CTDP1: variants seen among roughly 807,000 people sequenced by gnomAD.
The protein encoded by CTDP1 is RNA polymerase II subunit A C-terminal domain phosphatase.
A neutral mutation model predicts 91.8 loss-of-function variants in CTDP1; 47 were observed. The ratio of observed to expected loss-of-function variants is 0.51; its 90% CI spans 0.41 to 0.65. CTDP1 has a LOEUF of 0.65. CTDP1 is among the 30% of genes least tolerant of loss of function. The pLI, the probability that CTDP1 is intolerant of heterozygous loss-of-function variation, is 0.00. For missense variants in CTDP1, 1,272 were observed against 1,373.7 expected (o/e 0.93, Z 1.17); for synonymous variants, 656 against 598.5 (o/e 1.10, Z -1.40).
intron 10 of CTDP1, among the ~76,000 whole-genome samples, chr18:79,725,641 A>C (rs2086430666): frequency 1.3e-5 from 2 of 151,700 alleles, no homozygotes; most frequent in Admixed American, 6.6e-5. Flanking sequence ...ACTCGAGCGG[A>C]GTCTCCGGTG....
In CTDP1 at chr18:79,712,953, T is replaced by A; in HGVS notation, c.864-19T>A. 1.9e-6 allele frequency: 3 copies of A among 1,612,742 alleles called. No homozygotes were observed. The highest frequency in any genetic ancestry group is 2.5e-6 in the Non-Finnish European group (3 of 1,178,726). ...CTTTTCATTATTATTTTTTGTAAAT[T>A]ATGCATTTTCACTTGTAGAAATCTC... On this transcript the variant is annotated intron_variant, in intron 6 of 12. Coordinates refer to ENST00000613122, the MANE Select transcript of CTDP1 (RefSeq NM_004715.5).
At chr18:79,714,412 G>A (rs1377455754) in intron 7 of CTDP1, 79 bp from the exon 8 acceptor site, 7 of 1,518,502 alleles carry the variant, frequency 4.6e-6, no homozygotes, top group Non-Finnish European at 6.4e-6. Context: ...CCATGGAGAA[G>A]GGTGCTGCTT....
chr18:79,705,744 A>G (rs2085955587), intron 5 of CTDP1, among the ~76,000 whole-genome samples: 1 of 152,238 alleles, frequency 6.6e-6, no homozygotes, highest in Non-Finnish European at 1.5e-5. Context: ...TAAAATTCAA[A>G]GGTCTTTCTA....
Position 79,715,294 on chromosome 18 carries a change from C to T in CTDP1, c.1834C>T (p.Leu612Phe). Reference sequence around the variant, plus strand: ...CTACTATGCCAAGTATGACCGCTACCTCAACAAGGAGATCGAGGAGGCGCC... The same window carrying T: ...CTACTATGCCAAGTATGACCGCTACTTCAACAAGGAGATCGAGGAGGCGCC... Reference protein sequence around the residue: ...TDYYAKYDRYLNKEIEEAPDI... With the variant: ...TDYYAKYDRYFNKEIEEAPDI... The change falls in exon 8 of 13, where the codon CTC becomes TTC. Residue 612 changes from leucine to phenylalanine, a missense_variant. Physicochemically the swap from Leu to Phe is conservative, Grantham distance 22 (BLOSUM62 0). Around this residue, in one of 3 missense-constraint regions of CTDP1, gnomAD observed 881 missense variants for 911.6 expected, o/e 0.97. Transcript: ENST00000613122. 1 of 1,610,522 alleles carries T rather than the reference C, an allele frequency of 6.2e-7. No homozygotes were observed. The highest frequency in any genetic ancestry group is 8.5e-7 in the Non-Finnish European group (1 of 1,178,400).
At chr18:79,683,616 G>A (rs970804427) in intron 1 of CTDP1, among the ~76,000 whole-genome samples, 21 of 152,248 alleles carry the variant, frequency 1.4e-4, no homozygotes, top group Non-Finnish European at 1.8e-4. Context: ...GTTTCAGGGC[G>A]GCTGCCTGAG....
chr18:79,750,655 G>C (rs2086977978), intron 12 of CTDP1, among the ~76,000 whole-genome samples: 1 of 147,614 alleles, frequency 6.8e-6, no homozygotes, highest in Non-Finnish European at 1.5e-5. Flanking sequence ...CACCACACCT[G>C]GCTAATTTTT....
At chr18:79,695,450 C>A in intron 2 of CTDP1, 142 bp downstream of exon 2, 1 of 744,236 alleles carries the variant, frequency 1.3e-6, no homozygotes, top group South Asian at 1.5e-5. Context: ...GGGCCCCATA[C>A]GAGTCACACT....
intron 10 of CTDP1, among the ~76,000 whole-genome samples, chr18:79,724,055 C>G (rs921921064): frequency 6.6e-6 from 1 of 152,214 alleles, no homozygotes; most frequent in Non-Finnish European, 1.5e-5. Flanking sequence ...CAGGTTGAGC[C>G]TCTCATCCGA....
At chr18:79,711,571 C>T (rs927591023) in intron 6 of CTDP1, among the ~76,000 whole-genome samples, 15 of 152,176 alleles carry the variant, frequency 9.9e-5, no homozygotes, top group African/African-American at 2.9e-4. Flanking sequence ...AGCAGCTCTG[C>T]GGGGCCACTG....
chr18:79,694,625 T>G, intron 1 of CTDP1, among the ~76,000 whole-genome samples: 1 of 138,378 alleles, frequency 7.2e-6, no homozygotes, highest in Non-Finnish European at 1.6e-5. Flanking sequence ...CCGGCTGGGG[T>G]GGGAGTGTGG....
chr18:79,681,381 C>G (rs1434511840), intron 1 of CTDP1: 1 of 876,812 alleles, frequency 1.1e-6, no homozygotes, highest in Non-Finnish European at 1.4e-6. Flanking sequence ...GGGCACTGGC[C>G]GTACCTGGGA....
chr18:79,690,135 C>G (rs991370533), intron 1 of CTDP1, among the ~76,000 whole-genome samples: 16 of 152,174 alleles, frequency 1.1e-4, no homozygotes, highest in African/African-American at 3.9e-4. Context: ...AGGGAAGACC[C>G]TGGAGCCCTC....
At chr18:79,748,567 G>A (rs1014106269) in intron 12 of CTDP1, among the ~76,000 whole-genome samples, 4 of 152,362 alleles carry the variant, frequency 2.6e-5, no homozygotes, top group African/African-American at 7.2e-5. Context: ...GTGAGGTCCA[G>A]GCCCCTGCTG....
intron 12 of CTDP1, among the ~76,000 whole-genome samples, chr18:79,741,860 AAGAT>A (rs1268823265): frequency 6.6e-6 from 1 of 152,248 alleles, no homozygotes; most frequent in Non-Finnish European, 1.5e-5. Flanking sequence ...TTAACTAAGA[AAGAT>A]AATCTTTAGG....
chr18:79,680,244 C>T lies in CTDP1; in HGVS notation c.297C>T (p.Gly99=). ...TGCGGGAGCTGTGCGCGCAGCCGGGCCAGGTGGTCGCCCCAGGGTGAGTGT... is the reference window on the plus strand; with the variant it reads ...TGCGGGAGCTGTGCGCGCAGCCGGGTCAGGTGGTCGCCCCAGGGTGAGTGT... ...GVVRELCAQP[G]QVVAPGAVLV... The change falls in exon 1 of 13, where the codon GGC becomes GGT. Residue 99 remains glycine, a synonymous_variant. Transcript: ENST00000613122. 7.7e-7 allele frequency: 1 copy of T among 1,304,674 alleles called. No individual in the cohort carries two copies. The highest frequency in any genetic ancestry group is 9.7e-7 in the Non-Finnish European group (1 of 1,031,338). The allele number at this position is 1,304,674 out of a possible 1,614,324, so 80.8% of individuals were successfully genotyped here.
At position 79,698,118 on chromosome 18, in the gene CTDP1, C is replaced by T. The variant is rs370055344; in HGVS notation, c.621+130C>T. ...AGCCTGGGTTTGGAAAGCAGACTTGCTAGTTCTGGGCGTGGGCCGTGTGTC... is the reference window on the plus strand; with the variant it reads ...AGCCTGGGTTTGGAAAGCAGACTTGTTAGTTCTGGGCGTGGGCCGTGTGTC... On this transcript the variant is annotated intron_variant, in intron 4 of 12. Transcript: ENST00000613122. 18 of 1,370,158 alleles carry T rather than the reference C, an allele frequency of 1.3e-5. No individual in the cohort carries two copies. The African/African-American group carries it at 2.4e-4, about 19-fold the overall frequency. The allele number at this position is 1,370,158 out of a possible 1,614,324, so 84.9% of individuals were successfully genotyped here.
intron 12 of CTDP1, among the ~76,000 whole-genome samples, chr18:79,738,864 G>A (rs937258895): frequency 1.3e-5 from 2 of 152,360 alleles, no homozygotes; most frequent in Middle Eastern, 3.4e-3. Context: ...GAAATGATAT[G>A]AAGTTGTTTT....
At chr18:79,678,665 A>G (rs2085286407), upstream of CTDP1, 1 of 152,222 alleles carries the variant, frequency 6.6e-6, no homozygotes, top group Admixed American at 6.5e-5. Context: ...GGGAAAAGCA[A>G]ATACAGGATA....
chr18:79,737,016 C>T (rs1050206157), intron 12 of CTDP1, among the ~76,000 whole-genome samples: 3 of 152,190 alleles, frequency 2.0e-5, no homozygotes, highest in Non-Finnish European at 2.9e-5. Flanking sequence ...TCCTGCATGT[C>T]GAGGGTGGTG....
Sources: allele counts gnomAD v4.1 joint callset (sites outside exome capture counted in the v4.1 genomes callset), GRCh38; gene constraint gnomAD v4.1.1; regional missense constraint gnomAD v4.1.1; transcripts MANE v1.5; gene names NCBI Gene and HGNC (gene_info 2026-07-23, HGNC 2026-07-21).